The following VGLL4 variants were observed in gnomAD, a reference collection of about 807,000 sequenced individuals.
The protein encoded by VGLL4 is transcription cofactor vestigial-like protein 4.
A neutral mutation model predicts 21.0 loss-of-function variants in VGLL4; 7 were observed. That is an observed-to-expected ratio of 0.33 (90% CI 0.19 to 0.63). VGLL4 has a LOEUF of 0.63. VGLL4 is among the 20% of genes least tolerant of loss of function. The probability of loss-of-function intolerance (pLI) is 0.78; values close to 1 mark genes in which losing one functional copy is unlikely to be tolerated. For synonymous variants in VGLL4, 222 were observed against 173.2 expected (o/e 1.28, Z -2.21); for missense variants, 394 against 425.7 (o/e 0.93, Z 0.66).
Position 11,558,492 on chromosome 3 carries a change from T to C in VGLL4, c.*64A>G, listed in dbSNP as rs955509020. The C allele has an allele frequency of 1.9e-5, 27 of 1,414,570 alleles. No individual in the cohort carries two copies. Among genetic ancestry groups the C allele is most frequent in the Non-Finnish European group, 2.5e-5 (26 of 1,053,582 alleles). 87.6% of individuals were successfully genotyped at this position (1,414,570 alleles called of 1,614,324 possible). On this transcript the variant is annotated 3_prime_UTR_variant, in exon 5 of 5. Coordinates refer to ENST00000430365, the MANE Select transcript of VGLL4 (RefSeq NM_001128219.3). The stretch of plus-strand genomic sequence containing the variant: ...CCCCCATGATTTTTTTTTTTTTAAG[T>C]ACTGACTGTTCAAAGCTCAGGCAAA...
At chr3:11,662,522 T>C (rs1211723967) in intron 2 of VGLL4, among the ~76,000 whole-genome samples, 2 of 152,222 alleles carry the variant, frequency 1.3e-5, no homozygotes, top group African/African-American at 4.8e-5. Flanking sequence ...TTATGTGCAG[T>C]AGGCACAATC....
chr3:11,561,916 T>TTA (rs397943216), intron 3 of VGLL4, among the ~76,000 whole-genome samples: 2 of 148,272 alleles, frequency 1.3e-5, no homozygotes, highest in Non-Finnish European at 3.0e-5. Context: ...TTTTTTTTTT[T>TTA]AAAGACAAAG....
chr3:11,616,632 A>G (rs1020569075), intron 1 of VGLL4, among the ~76,000 whole-genome samples: 1 of 152,208 alleles, frequency 6.6e-6, no homozygotes, highest in Admixed American at 6.5e-5. Flanking sequence ...TGGACATGGA[A>G]CCTTTATTTA....
intron 2 of VGLL4, among the ~76,000 whole-genome samples, chr3:11,665,215 G>A (rs1004834421): frequency 1.5e-5 from 2 of 135,492 alleles, no homozygotes; most frequent in Admixed American, 8.3e-5. Flanking sequence ...CTGGGTTCAC[G>A]CCATTCTCCT....
upstream of VGLL4, among the ~76,000 whole-genome samples, chr3:11,647,599 T>C (rs1162890750): frequency 6.6e-6 from 1 of 152,220 alleles, no homozygotes; most frequent in Admixed American, 6.5e-5. Flanking sequence ...GAATGTTGTG[T>C]CAGCACTCAA....
At chr3:11,610,855 G>C (rs538291343) in intron 1 of VGLL4, 1 of 152,194 alleles carries the variant, frequency 6.6e-6, no homozygotes, top group Non-Finnish European at 1.5e-5. Context: ...TATTTTATAA[G>C]CGTATTACAA....
At chr3:11,696,454 T>G (rs2076608199) in intron 2 of VGLL4, among the ~76,000 whole-genome samples, 1 of 152,246 alleles carries the variant, frequency 6.6e-6, no homozygotes, top group Non-Finnish European at 1.5e-5. Flanking sequence ...GCTGATCTAC[T>G]CCGGCATGTC....
chr3:11,610,939 G>A (rs966905683), intron 1 of VGLL4, among the ~76,000 whole-genome samples: 9 of 152,200 alleles, frequency 5.9e-5, no homozygotes, highest in African/African-American at 2.2e-4. Context: ...CCGCCTTGCA[G>A]CCGGGGAAAC....
chr3:11,628,577 T>C (rs1474810801), intron 1 of VGLL4, among the ~76,000 whole-genome samples: 2 of 152,102 alleles, frequency 1.3e-5, no homozygotes, highest in East Asian at 1.9e-4. Context: ...TCCCAGCACT[T>C]TGGGAGGCCA....
intron 2 of VGLL4, among the ~76,000 whole-genome samples, chr3:11,658,150 G>T (rs564725285): frequency 1.3e-5 from 2 of 152,226 alleles, no homozygotes; most frequent in Admixed American, 1.3e-4. Context: ...GCCCAGGCTG[G>T]ACTGGAACTC....
At chr3:11,684,174 G>A (rs931597972) in intron 2 of VGLL4, among the ~76,000 whole-genome samples, 2 of 152,078 alleles carry the variant, frequency 1.3e-5, no homozygotes, top group African/African-American at 4.8e-5. Flanking sequence ...TCACACCACT[G>A]CACTCCAGTC....
intron 1 of VGLL4, among the ~76,000 whole-genome samples, chr3:11,639,377 C>A (rs1482339355): frequency 6.6e-6 from 1 of 152,252 alleles, no homozygotes; most frequent in Non-Finnish European, 1.5e-5. Flanking sequence ...TCCAGCGAGG[C>A]CGGTCACTCA....
At chr3:11,700,515 C>T (rs982631902) in intron 2 of VGLL4, among the ~76,000 whole-genome samples, 13 of 152,148 alleles carry the variant, frequency 8.5e-5, no homozygotes, top group Non-Finnish European at 1.6e-4. Context: ...GGCACCAGCC[C>T]GCCCCACCCC....
chr3:11,598,455 C>T (rs1283936305), intron 2 of VGLL4, among the ~76,000 whole-genome samples: 1 of 151,552 alleles, frequency 6.6e-6, no homozygotes, highest in Non-Finnish European at 1.5e-5. Flanking sequence ...TAGCTAGCTA[C>T]CGAAACTATT....
chr3:11,572,972 G>A (rs955410324), intron 2 of VGLL4, among the ~76,000 whole-genome samples: 6 of 151,828 alleles, frequency 4.0e-5, no homozygotes, highest in African/African-American at 1.2e-4. Flanking sequence ...GTTTGAGACC[G>A]GCCTGACCAA....
intron 1 of VGLL4, among the ~76,000 whole-genome samples, chr3:11,637,738 G>C (rs1049635718): frequency 6.6e-6 from 1 of 151,570 alleles, no homozygotes; most frequent in African/African-American, 2.4e-5. Context: ...GAAAGGAAAG[G>C]AGAGCAAATG....
chr3:11,647,801 T>C (rs1055805448), upstream of VGLL4, among the ~76,000 whole-genome samples: 1 of 152,172 alleles, frequency 6.6e-6, no homozygotes, highest in Non-Finnish European at 1.5e-5. Context: ...AAATACCAGC[T>C]GAATAAAATC....
chr3:11,666,592 G>T (rs1221372804), intron 2 of VGLL4, among the ~76,000 whole-genome samples: 2 of 152,208 alleles, frequency 1.3e-5, no homozygotes, highest in Admixed American at 6.5e-5. Flanking sequence ...GAATTTGCTA[G>T]CAGACAGTTT....
At chr3:11,671,439 TC>T (rs769664223) in intron 2 of VGLL4, 21 of 759,662 alleles carry the variant, frequency 2.8e-5, no homozygotes, top group Non-Finnish European at 5.0e-5. Context: ...AACACAGTTG[TC>T]CCTCAGTATT....
Sources: gnomAD v4.1 joint callset for allele counts (sites outside exome capture counted in the v4.1 genomes callset) on GRCh38, gnomAD v4.1.1 for gene constraint, MANE v1.5 for transcripts, NCBI Gene and HGNC (gene_info 2026-07-23, HGNC 2026-07-21) for gene names.